The following MECR variants were observed in gnomAD, a reference collection of about 807,000 sequenced individuals.
The protein encoded by MECR is enoyl-[acyl-carrier-protein] reductase, mitochondrial.
MECR carries 37 observed loss-of-function variants against 49.1 expected under a neutral mutation model. That is an observed-to-expected ratio of 0.75 (90% CI 0.58 to 0.99). The LOEUF (loss-of-function observed/expected upper bound fraction) is 0.99, where lower values mean the gene tolerates loss of function less well. MECR is among the 50% of genes least tolerant of loss of function. The pLI, the probability that MECR is intolerant of heterozygous loss-of-function variation, is 0.00. For synonymous variants in MECR, 198 were observed against 191.1 expected (o/e 1.04, Z -0.30); for missense variants, 470 against 479.6 (o/e 0.98, Z 0.19).
chr1:29,195,869 G>C (rs575764265), intron 9 of MECR, 72 bp downstream of exon 9: 1 of 1,487,162 alleles, frequency 6.7e-7, no homozygotes, highest in East Asian at 2.3e-5. Flanking sequence ...GCTCAGAATA[G>C]CTGGTCATTT....
intron 1 of MECR, among the ~76,000 whole-genome samples, chr1:29,222,872 G>T (rs1681114349): frequency 1.3e-5 from 2 of 152,206 alleles, no homozygotes; most frequent in Admixed American, 1.3e-4. Flanking sequence ...CTGCCCCAGG[G>T]AATGCCATCA....
chr1:29,194,711 G>A (rs1464048075), intron 9 of MECR, among the ~76,000 whole-genome samples: 1 of 152,162 alleles, frequency 6.6e-6, no homozygotes, highest in Non-Finnish European at 1.5e-5. Context: ...GACCCTATAT[G>A]GTACAGGAAG....
intron 1 of MECR, among the ~76,000 whole-genome samples, chr1:29,226,937 G>A (rs1030652252): frequency 2.0e-5 from 3 of 147,282 alleles, no homozygotes; most frequent in Non-Finnish European, 4.5e-5. Context: ...AGAACTAAGC[G>A]TTTCTGGGAA....
At chr1:29,173,503 G>C in the MECR span, 16 of 103,480 alleles carry the variant, frequency 1.5e-4, no homozygotes, top group Non-Finnish European at 1.8e-5. Context: ...GTCTCACTCT[G>C]TTGCCCAGGC....
the MECR span, among the ~76,000 whole-genome samples, chr1:29,182,637 G>GA: frequency 6.6e-6 from 1 of 151,950 alleles, no homozygotes; most frequent in Admixed American, 6.6e-5. Flanking sequence ...TCCGCCTCCC[G>GA]GGTTCAAGCG....
the MECR span, among the ~76,000 whole-genome samples, chr1:29,184,706 A>G: frequency 1.1e-4 from 17 of 152,190 alleles, no homozygotes; most frequent in Admixed American, 7.8e-4. Flanking sequence ...GTGAGCCGAG[A>G]TCGTGCCATC....
the MECR span, among the ~76,000 whole-genome samples, chr1:29,182,169 C>T: frequency 6.6e-6 from 1 of 152,218 alleles, no homozygotes; most frequent in South Asian, 2.1e-4. Flanking sequence ...GCCCAGCGAG[C>T]GAGCGTTTGT....
Position 29,216,060 on chromosome 1 carries a change from G to C in MECR, c.351C>G (p.Ser117Arg). The C allele has an allele frequency of 6.2e-7, 1 of 1,614,100 alleles. No homozygotes were observed. Among genetic ancestry groups the C allele is most frequent in the Non-Finnish European group, 8.5e-7 (1 of 1,179,988 alleles). Residue 117 changes from serine to arginine, a missense_variant, in exon 3 of 10, where the codon AGC becomes AGG. Physicochemically the swap from Ser to Arg is moderately radical, Grantham distance 110 (BLOSUM62 -1). Transcript: ENST00000263702. Reference sequence around the variant, plus strand: ...CTCCTGGCTTCAGCCCGGTCACATTGCTGCCCACCGCTACCACCTGTGCAA... The same window carrying C: ...CTCCTGGCTTCAGCCCGGTCACATTCCTGCCCACCGCTACCACCTGTGCAA... ...EGVAQVVAVG[S>R]NVTGLKPGDW...
intron 4 of MECR, among the ~76,000 whole-genome samples, chr1:29,205,949 T>C (rs1676480348): frequency 6.6e-6 from 1 of 152,176 alleles, no homozygotes; most frequent in East Asian, 1.9e-4. Flanking sequence ...CTGCACCCAG[T>C]GCTGGTCTTA....
chr1:29,191,253 C>G (rs1673120926), downstream of MECR, among the ~76,000 whole-genome samples: 1 of 152,160 alleles, frequency 6.6e-6, no homozygotes, highest in South Asian at 2.1e-4. Flanking sequence ...TTCACCAGGA[C>G]TCAGGCTCAC....
chr1:29,178,235 C>T, the MECR span, among the ~76,000 whole-genome samples: 3 of 152,098 alleles, frequency 2.0e-5, no homozygotes, highest in African/African-American at 4.8e-5. Flanking sequence ...CTAAACTTAA[C>T]TTACAACCCT....
chr1:29,181,183 G>A, the MECR span, among the ~76,000 whole-genome samples: 75 of 152,362 alleles, frequency 4.9e-4, no homozygotes, highest in African/African-American at 1.7e-3. Context: ...AGTCCTCGGG[G>A]AAGACGGCGC....
At chr1:29,224,609 G>C (rs1163832397) in intron 1 of MECR, 1 of 152,036 alleles carries the variant, frequency 6.6e-6, no homozygotes, top group African/African-American at 2.4e-5. Flanking sequence ...ATGTGATAAA[G>C]AGGTGTGTAG....
At chr1:29,168,434 A>G in the MECR span, 5 of 152,186 alleles carry the variant, frequency 3.3e-5, no homozygotes, top group African/African-American at 1.2e-4. Flanking sequence ...CTAACATCAG[A>G]TAAAGTCAGG....
the MECR span, among the ~76,000 whole-genome samples, chr1:29,180,578 C>CTA: frequency 6.6e-6 from 1 of 152,128 alleles, no homozygotes; most frequent in South Asian, 2.1e-4. Flanking sequence ...TAAACGGTAG[C>CTA]TATATTACAA....
intron 1 of MECR, among the ~76,000 whole-genome samples, chr1:29,227,906 G>A (rs1682512610): frequency 6.6e-6 from 1 of 152,188 alleles, no homozygotes; most frequent in Admixed American, 6.5e-5. Context: ...TCTGGAGCAC[G>A]GAGAGAATTA....
chr1:29,174,932 A>G, the MECR span, among the ~76,000 whole-genome samples: 1 of 151,412 alleles, frequency 6.6e-6, no homozygotes, highest in East Asian at 1.9e-4. Flanking sequence ...TTGGCCTCCC[A>G]AAGTGTTGGG....
At position 29,230,792 on chromosome 1, in the gene MECR, C is replaced by T. The variant is rs975002708; in HGVS notation, c.115G>A (p.Glu39Lys). The change falls in exon 1 of 10, where the codon GAG becomes AAG. Residue 39 changes from glutamate to lysine, a missense_variant. Physicochemically the swap from Glu to Lys is moderately conservative, Grantham distance 56. Coordinates refer to ENST00000263702, the MANE Select transcript of MECR (RefSeq NM_016011.5). Reference protein sequence around the residue: ...PAASSYSASAEPARVRALVYG... With the variant: ...PAASSYSASAKPARVRALVYG... ...ACAAGCGCCCGGACCCGGGCAGGCTCGGCGGATGCGGAGTAGGAGGAGGCG... is the reference window on the plus strand; with the variant it reads ...ACAAGCGCCCGGACCCGGGCAGGCTTGGCGGATGCGGAGTAGGAGGAGGCG... 6.2e-7 allele frequency: 1 copy of T among 1,604,860 alleles called. No homozygotes were observed. Among genetic ancestry groups the T allele is most frequent in the South Asian group, 1.1e-5 (1 of 90,010 alleles).
At chr1:29,169,183 A>G in the MECR span, 1 of 152,222 alleles carries the variant, frequency 6.6e-6, no homozygotes, top group African/African-American at 2.4e-5. Flanking sequence ...GTTTACTGTC[A>G]TCTGACAGAT....
Sources: allele counts gnomAD v4.1 joint callset (sites outside exome capture counted in the v4.1 genomes callset), GRCh38; gene constraint gnomAD v4.1.1; transcripts MANE v1.5; gene names NCBI Gene and HGNC (gene_info 2026-07-23, HGNC 2026-07-21).